CDH17: variants seen among roughly 807,000 people sequenced by gnomAD.
The protein encoded by CDH17 is cadherin-17.
CDH17 carries 67 observed loss-of-function variants against 86.3 expected under a neutral mutation model. The ratio of observed to expected loss-of-function variants is 0.78; its 90% CI spans 0.64 to 0.95. CDH17 has a LOEUF of 0.95. Among genes scored for constraint, CDH17 ranks in the 40% least tolerant of loss-of-function variants. The probability of loss-of-function intolerance (pLI) is 0.00; values close to 1 mark genes in which losing one functional copy is unlikely to be tolerated. For synonymous variants in CDH17, 367 were observed against 366.4 expected, an observed-to-expected ratio of 1.00 and a Z score of -0.02; for missense variants, 993 against 1,017.6, an observed-to-expected ratio of 0.98 and a Z score of 0.33.
intron 10 of CDH17, among the ~76,000 whole-genome samples, chr8:94,164,476 A>G (rs2130624941): frequency 6.6e-6 from 1 of 152,350 alleles, no homozygotes; most frequent in East Asian, 1.9e-4. Context: ...TTAGCTCGTC[A>G]TGAATAGGGA....
intron 2 of CDH17, among the ~76,000 whole-genome samples, chr8:94,193,600 A>C (rs1411725268): frequency 6.6e-6 from 1 of 152,194 alleles, no homozygotes; most frequent in Non-Finnish European, 1.5e-5. Flanking sequence ...TCCATGTCTG[A>C]ATTTGTCACT....
At chr8:94,171,155 C>T (rs1244064080) in intron 7 of CDH17, among the ~76,000 whole-genome samples, 170 bp from the exon 8 acceptor site, 3 of 152,126 alleles carry the variant, frequency 2.0e-5, no homozygotes, top group East Asian at 1.9e-4. Flanking sequence ...AAGCCTGTTT[C>T]CCCCCACCAA....
chr8:94,142,485 G>C (rs575515775), intron 15 of CDH17, among the ~76,000 whole-genome samples: 1 of 152,280 alleles, frequency 6.6e-6, no homozygotes, highest in East Asian at 1.9e-4. Flanking sequence ...GGATGGCTGT[G>C]GCAATTTCTG....
chr8:94,191,668 G>A (rs1387004596), intron 2 of CDH17, among the ~76,000 whole-genome samples: 4 of 151,908 alleles, frequency 2.6e-5, no homozygotes, highest in Admixed American at 2.0e-4. Context: ...TGGACAGGCT[G>A]GTCTCGAACT....
chr8:94,169,520 A>G (rs2130634506), intron 9 of CDH17, among the ~76,000 whole-genome samples: 1 of 152,290 alleles, frequency 6.6e-6, no homozygotes, highest in African/African-American at 2.4e-5. Flanking sequence ...TGGAGGGACG[A>G]AAAGAAAATG....
At chr8:94,210,319 G>T (rs1225361348), upstream of CDH17, among the ~76,000 whole-genome samples, 1 of 150,704 alleles carries the variant, frequency 6.6e-6, no homozygotes, top group African/African-American at 2.4e-5. Context: ...TCCGAAATGG[G>T]GTTCCTCTGT....
At chr8:94,141,753 A>ATTAAGTCTT (rs1812642585) in intron 15 of CDH17, among the ~76,000 whole-genome samples, 3 of 152,200 alleles carry the variant, frequency 2.0e-5, no homozygotes, top group Non-Finnish European at 4.4e-5. Flanking sequence ...GGAGACATAT[A>ATTAAGTCTT]CCATGTTCAT....
chr8:94,152,273 T>C (rs2130604806), intron 12 of CDH17, among the ~76,000 whole-genome samples, 161 bp from the exon 13 acceptor site: 1 of 152,348 alleles, frequency 6.6e-6, no homozygotes, highest in Non-Finnish European at 1.5e-5. Flanking sequence ...ATACCATATA[T>C]GAAAATCCGT....
intron 13 of CDH17, among the ~76,000 whole-genome samples, chr8:94,149,906 C>T (rs1004674015): frequency 2.6e-5 from 4 of 152,128 alleles, no homozygotes; most frequent in Middle Eastern, 3.2e-3. Context: ...TGAGGATGTC[C>T]ATATCTTTAG....
chr8:94,141,983 G>A (rs1439300524), intron 15 of CDH17, among the ~76,000 whole-genome samples: 1 of 152,158 alleles, frequency 6.6e-6, no homozygotes. Context: ...AAGACAATGT[G>A]TTATTGGTAT....
At chr8:94,162,423 A>G (rs1334201608) in intron 10 of CDH17, among the ~76,000 whole-genome samples, 1 of 152,114 alleles carries the variant, frequency 6.6e-6, no homozygotes, top group Non-Finnish European at 1.5e-5. Flanking sequence ...TGTCCTCCTA[A>G]GTAAAGTTAG....
rs1323555016 is a variant in CDH17, at chr8:94,170,390, T to G, written c.1066+7A>C. 1 of 1,613,404 alleles carries G rather than the reference T, an allele frequency of 6.2e-7. No individual in the cohort carries two copies. The highest frequency in any genetic ancestry group is 1.1e-5 in the South Asian group (1 of 90,952). Reference sequence around the variant, plus strand: ...TTACACAGCATTAGGCAGCTCTCATTTCTTACCCAGTCGTTCATTCTCCTG... The same window carrying G: ...TTACACAGCATTAGGCAGCTCTCATGTCTTACCCAGTCGTTCATTCTCCTG... On this transcript the variant is annotated splice_region_variant and intron_variant, in intron 9 of 17. Transcript: ENST00000027335.
chr8:94,165,711 C>T (rs748139133), intron 10 of CDH17, 50 bp downstream of exon 10: 2 of 1,227,332 alleles, frequency 1.6e-6, no homozygotes, highest in Admixed American at 3.4e-5. Flanking sequence ...TAACTCATAG[C>T]TAGAAGGAAA....
At chr8:94,204,962 AG>A (rs1270035022) in intron 1 of CDH17, among the ~76,000 whole-genome samples, 1 of 152,014 alleles carries the variant, frequency 6.6e-6, no homozygotes, top group East Asian at 1.9e-4. Context: ...TTTATACCTG[AG>A]GTTGCAATTT....
intron 12 of CDH17, among the ~76,000 whole-genome samples, chr8:94,153,623 T>C (rs1480386415): frequency 1.3e-5 from 2 of 152,050 alleles, no homozygotes; most frequent in African/African-American, 2.4e-5. Flanking sequence ...AACAACTGGA[T>C]AAACAAAATG....
upstream of CDH17, among the ~76,000 whole-genome samples, chr8:94,209,991 G>C (rs998507964): frequency 1.7e-4 from 26 of 151,248 alleles, no homozygotes; most frequent in African/African-American, 6.1e-4. Context: ...CAATAACAAT[G>C]ATCGTGACAT....
intron 15 of CDH17, among the ~76,000 whole-genome samples, chr8:94,138,068 C>T (rs1279881455): frequency 6.6e-6 from 1 of 152,040 alleles, no homozygotes; most frequent in Admixed American, 6.6e-5. Context: ...AGGGCATTTA[C>T]CACCTTTTTT....
Position 94,130,706 on chromosome 8 carries a change from A to G in CDH17, c.2318T>C (p.Phe773Ser). 1.9e-6 allele frequency: 3 copies of G among 1,614,082 alleles called. No individual in the cohort carries two copies. The highest frequency in any genetic ancestry group is 2.5e-6 in the Non-Finnish European group (3 of 1,179,978). ...TFCSCVEGSCFRPAGHQTGIP... is the reference protein window; with the variant it reads ...TFCSCVEGSCSRPAGHQTGIP... ...CCCAGTCTGGTGACCTGCTGGCCGG[A>G]AACAACTTCCTTCCACACAACTGCA... Residue 773 changes from phenylalanine (F) to serine (S), a missense_variant, in exon 17 of 18, where the codon TTC becomes TCC. Phe to Ser is a radical substitution (Grantham distance 155, BLOSUM62 -2). Coordinates refer to ENST00000027335, the MANE Select transcript of CDH17 (RefSeq NM_004063.4).
intron 1 of CDH17, among the ~76,000 whole-genome samples, chr8:94,216,578 T>TG (rs2129686752): frequency 6.6e-6 from 1 of 151,078 alleles, no homozygotes; most frequent in Non-Finnish European, 1.5e-5. Flanking sequence ...TTTTTTTTTT[T>TG]TAATTCTCAG....
Sources: gnomAD v4.1 joint callset for allele counts (sites outside exome capture counted in the v4.1 genomes callset) on GRCh38, gnomAD v4.1.1 for gene constraint, MANE v1.5 for transcripts, NCBI Gene and HGNC (gene_info 2026-07-23, HGNC 2026-07-21) for gene names.